C5: variants seen among roughly 807,000 people sequenced by gnomAD.
C5 encodes the protein complement C5.
A neutral mutation model predicts 218.8 loss-of-function variants in C5; 140 were observed. The ratio of observed to expected loss-of-function variants is 0.64; its 90% CI spans 0.56 to 0.74. The LOEUF is 0.74. Ranked by LOEUF, C5 falls within the 30% of genes least tolerant of loss-of-function variation. The probability of loss-of-function intolerance (pLI) is 0.00; values close to 1 mark genes in which losing one functional copy is unlikely to be tolerated. For missense variants in C5, 1,700 were observed against 1,969.6 expected (o/e 0.86, Z 2.59); for synonymous variants, 614 against 682.3 (o/e 0.90, Z 1.56).
chr9:120,962,701 T>G lies in C5; in HGVS notation c.4474A>C (p.Thr1492Pro), dbSNP rs771390003. ...CTGTGGTATTCGTACACTGTGAAAG[T>G]GGCAGGACTGAGAAACCCAACTTCA... ...LFEVGFLSPATFTVYEYHRPD... is the reference protein window; with the variant it reads ...LFEVGFLSPAPFTVYEYHRPD... The change falls in exon 36 of 41, where the codon ACT becomes CCT. Residue 1492 changes from threonine (T) to proline (P), a missense_variant. Coordinates refer to ENST00000223642, the MANE Select transcript of C5 (RefSeq NM_001735.3). 1.2e-6 allele frequency: 2 copies of G among 1,613,712 alleles called. No individual in the cohort carries two copies. Among genetic ancestry groups the G allele is most frequent in the South Asian group, 2.2e-5 (2 of 91,074 alleles).
chr9:121,070,377 G>A, the C5 span, among the ~76,000 whole-genome samples: 1 of 92,276 alleles, frequency 1.1e-5, no homozygotes, highest in Non-Finnish European at 2.0e-5. Context: ...AGGAAGGAAG[G>A]AAGGGTGATA....
intron 2 of C5, among the ~76,000 whole-genome samples, chr9:121,043,819 A>G (rs1245304599): frequency 2.0e-5 from 3 of 147,564 alleles, no homozygotes; most frequent in Admixed American, 7.0e-5. Context: ...AAGTGCTGGG[A>G]TTACAGGCAT....
rs1452827789 is a variant in C5, at chr9:120,989,063, A to G, written c.3213T>C (p.Gly1071=). 1 of 1,613,144 alleles carries G rather than the reference A, an allele frequency of 6.2e-7. No homozygotes were observed. Among genetic ancestry groups the G allele is most frequent in the African/African-American group, 1.3e-5 (1 of 74,900 alleles). The part of the protein sequence containing the change: ...NADYSYSVWK[G]GSASTWLTAF... ...CTACTTACCAAGTGCTAGCACTTCCACCCTTCCACACACTGTAAGAGTAGT... is the reference window on the plus strand; with the variant it reads ...CTACTTACCAAGTGCTAGCACTTCCGCCCTTCCACACACTGTAAGAGTAGT... Residue 1071 remains glycine, a synonymous_variant, in exon 25 of 41, where the codon GGT becomes GGC. Coordinates refer to ENST00000223642, the MANE Select transcript of C5 (RefSeq NM_001735.3).
rs1262841698 is a variant in C5 at position 120,989,798 on chromosome 9, A to T, written c.2942-18T>A. 1 of 1,589,630 alleles carries T rather than the reference A, an allele frequency of 6.3e-7. No individual in the cohort carries two copies. Reference sequence around the variant, plus strand: ...AAGCAGTCCTGAAACAAAAAAGATCAAAGTAGACACATTGCTTTTTATTAA... The same window carrying T: ...AAGCAGTCCTGAAACAAAAAAGATCTAAGTAGACACATTGCTTTTTATTAA... On this transcript the variant is annotated intron_variant, in intron 23 of 40. Transcript: ENST00000223642.
the C5 span, among the ~76,000 whole-genome samples, chr9:121,060,585 C>A: frequency 2.0e-5 from 3 of 151,968 alleles, no homozygotes; most frequent in Non-Finnish European, 4.4e-5. Flanking sequence ...AGAAAAAAAA[C>A]CAGGTATCAC....
At chr9:121,026,131 A>G (rs1458559030) in intron 8 of C5, among the ~76,000 whole-genome samples, 1 of 152,174 alleles carries the variant, frequency 6.6e-6, no homozygotes, top group Non-Finnish European at 1.5e-5. Flanking sequence ...CCCAGTGTCT[A>G]GCATAGAATT....
intron 1 of C5, among the ~76,000 whole-genome samples, chr9:121,047,040 A>G (rs968034230): frequency 6.6e-6 from 1 of 152,204 alleles, no homozygotes; most frequent in Non-Finnish European, 1.5e-5. Context: ...GGAAATAGTG[A>G]TGATGGTCCT....
At chr9:120,973,141 C>T (rs2046927466) in intron 30 of C5, among the ~76,000 whole-genome samples, 1 of 152,154 alleles carries the variant, frequency 6.6e-6, no homozygotes, top group African/African-American at 2.4e-5. Context: ...GAACACATTT[C>T]AGGAAATGCT....
the C5 span, among the ~76,000 whole-genome samples, chr9:121,067,326 G>T: frequency 2.0e-5 from 3 of 151,944 alleles, no homozygotes; most frequent in African/African-American, 2.4e-5. Context: ...ACTTTGAGAG[G>T]CCAAGGTGGG....
chr9:121,017,920 G>A, intron 12 of C5, 68 bp from the exon 13 acceptor site: 1 of 995,190 alleles, frequency 1.0e-6, no homozygotes, highest in South Asian at 1.3e-5. Flanking sequence ...CTGTGCTTTA[G>A]GATGCAGCCT....
chr9:120,986,088 CT>C (rs1268403967), intron 25 of C5, among the ~76,000 whole-genome samples: 1 of 152,198 alleles, frequency 6.6e-6, no homozygotes, highest in African/African-American at 2.4e-5. Context: ...AGTTTCCTGA[CT>C]CTAGTCTGCC....
the C5 span, among the ~76,000 whole-genome samples, chr9:121,072,796 ACT>A: frequency 2.1e-5 from 3 of 145,404 alleles, no homozygotes; most frequent in Non-Finnish European, 4.5e-5. Context: ...ACAGAGCCAG[ACT>A]CTGTTCAAAA....
intron 20 of C5, among the ~76,000 whole-genome samples, chr9:121,004,880 A>G (rs890653369): frequency 6.6e-6 from 1 of 152,210 alleles, no homozygotes; most frequent in Non-Finnish European, 1.5e-5. Flanking sequence ...ACCAATATTT[A>G]AATATTTTAA....
intron 5 of C5, 46 bp downstream of exon 5, chr9:121,034,757 A>T: frequency 9.2e-7 from 1 of 1,090,044 alleles, no homozygotes; most frequent in South Asian, 1.3e-5. Context: ...CTGCTTCTTC[A>T]CCAAAAGTTC....
At chr9:120,989,431 T>C in intron 24 of C5, 137 bp downstream of exon 24, 1 of 666,358 alleles carries the variant, frequency 1.5e-6, no homozygotes. Context: ...TTTATTTATA[T>C]AGTAGAGTCC....
At chr9:120,989,539 T>A in intron 24 of C5, 29 bp downstream of exon 24, 1 of 1,450,194 alleles carries the variant, frequency 6.9e-7, no homozygotes, top group South Asian at 1.2e-5. Context: ...AATCACCCAA[T>A]TTTTATGTGA....
chr9:120,960,194 A>T, intron 38 of C5, 54 bp downstream of exon 38: 3 of 1,099,102 alleles, frequency 2.7e-6, no homozygotes, highest in Non-Finnish European at 4.2e-6. Flanking sequence ...CTAACTGAAC[A>T]CATATTCATA....
At chr9:121,064,235 C>A in the C5 span, among the ~76,000 whole-genome samples, 2 of 151,164 alleles carry the variant, frequency 1.3e-5, no homozygotes, top group Non-Finnish European at 2.9e-5. Flanking sequence ...TTATGTTTTT[C>A]AATCTTAAGT....
chr9:121,018,745 GGAAGGAAGGAA>G (rs2047336426), intron 12 of C5, among the ~76,000 whole-genome samples: 1 of 67,092 alleles, frequency 1.5e-5, no homozygotes, highest in African/African-American at 7.3e-5. Context: ...AGGAAGGAAA[GGAAGGAAGGAA>G]GGAAGGAAGG....
Sources: gnomAD v4.1 joint callset for allele counts (sites outside exome capture counted in the v4.1 genomes callset) on GRCh38, gnomAD v4.1.1 for gene constraint, MANE v1.5 for transcripts, NCBI Gene and HGNC (gene_info 2026-07-23, HGNC 2026-07-21) for gene names.